XXYLT1: variants seen among roughly 807,000 people sequenced by gnomAD.
The protein encoded by XXYLT1 is UDP-xylose:alpha-xyloside alpha-1,3-xylosyltransferase.
XXYLT1 carries 20 observed loss-of-function variants against 28.9 expected under a neutral mutation model. The ratio of observed to expected loss-of-function variants is 0.69; its 90% CI spans 0.49 to 1.00. The LOEUF is 1.00. Ranked by LOEUF, XXYLT1 falls within the 50% of genes least tolerant of loss-of-function variation. The probability of loss-of-function intolerance (pLI) is 0.00; values close to 1 mark genes in which losing one functional copy is unlikely to be tolerated. For synonymous variants in XXYLT1, 257 were observed against 253.8 expected (o/e 1.01, Z -0.12); for missense variants, 542 against 560.1 (o/e 0.97, Z 0.33).
chr3:195,149,076 A>G (rs7652491), intron 3 of XXYLT1, among the ~76,000 whole-genome samples: 4,241 of 152,304 alleles, frequency 0.028, 203 homozygotes, highest in African/African-American at 0.097. Flanking sequence ...AGGTTTTCAT[A>G]GTAAAAAGAA....
At chr3:195,222,519 A>G (rs1723873241) in intron 2 of XXYLT1, among the ~76,000 whole-genome samples, 1 of 152,202 alleles carries the variant, frequency 6.6e-6, no homozygotes, top group African/African-American at 2.4e-5. Flanking sequence ...CCTCTGGCCC[A>G]GTAATGCTAC....
At chr3:195,184,018 T>G (rs896618368) in intron 2 of XXYLT1, among the ~76,000 whole-genome samples, 31 of 152,156 alleles carry the variant, frequency 2.0e-4, no homozygotes, top group African/African-American at 7.2e-4. Flanking sequence ...CAGGCTGAAT[T>G]TATAATCTAC....
chr3:195,143,815 GATATAGATATAT>G (rs1242171452), intron 3 of XXYLT1, among the ~76,000 whole-genome samples: 1 of 77,372 alleles, frequency 1.3e-5, no homozygotes, highest in African/African-American at 4.7e-5. Context: ...GATATATATA[GATATAGATATAT>G]ATAGATATAG....
chr3:195,198,662 G>A (rs1008885368), intron 2 of XXYLT1, among the ~76,000 whole-genome samples: 3 of 152,150 alleles, frequency 2.0e-5, no homozygotes, highest in Non-Finnish European at 4.4e-5. Context: ...TGGCAGGGCT[G>A]CATTCAAACC....
At chr3:195,208,309 T>G (rs1025639997) in intron 2 of XXYLT1, among the ~76,000 whole-genome samples, 1 of 151,764 alleles carries the variant, frequency 6.6e-6, no homozygotes, top group East Asian at 1.9e-4. Context: ...TCTGTTCCCC[T>G]CCCCTCCTGT....
At chr3:195,231,848 T>TA (rs1251922237) in intron 1 of XXYLT1, among the ~76,000 whole-genome samples, 1 of 152,116 alleles carries the variant, frequency 6.6e-6, no homozygotes. Flanking sequence ...TAGCCTATAG[T>TA]TTTCTTTTAC....
intron 1 of XXYLT1, among the ~76,000 whole-genome samples, chr3:195,231,469 G>A (rs1218312481): frequency 2.6e-5 from 4 of 152,072 alleles, no homozygotes; most frequent in Non-Finnish European, 5.9e-5. Context: ...AGATCTTAGA[G>A]GAAAGGCTTT....
At chr3:195,079,039 G>C (rs147365827) in intron 3 of XXYLT1, among the ~76,000 whole-genome samples, 1 of 152,182 alleles carries the variant, frequency 6.6e-6, no homozygotes, top group African/African-American at 2.4e-5. Flanking sequence ...CTGCTCATCA[G>C]ACCCTTGGAA....
chr3:195,145,458 G>A (rs141538995), intron 3 of XXYLT1, among the ~76,000 whole-genome samples: 129 of 148,048 alleles, frequency 8.7e-4, no homozygotes, highest in African/African-American at 1.9e-3. Flanking sequence ...GGGGCCCTGC[G>A]AGCATCTCTG....
Position 195,156,432 on chromosome 3 carries a change from C to G in XXYLT1, c.785+17G>C. 6.2e-7 allele frequency: 1 copy of G among 1,612,164 alleles called. No individual in the cohort carries two copies. Among genetic ancestry groups the G allele is most frequent in the Non-Finnish European group, 8.5e-7 (1 of 1,179,298 alleles). The stretch of plus-strand genomic sequence containing the variant: ...GGGAGGGGTCGTGGAGGCGGCCCCC[C>G]TGCAGTCATGACGCACCTGTAAACT... On this transcript the variant is annotated intron_variant, in intron 3 of 3. Transcript: ENST00000310380.
chr3:195,196,473 T>C (rs57803498), intron 2 of XXYLT1, among the ~76,000 whole-genome samples: 7,829 of 152,222 alleles, frequency 0.051, 621 homozygotes, highest in African/African-American at 0.18. Flanking sequence ...CCTGGGGCAA[T>C]AGGTATGCCC....
intron 3 of XXYLT1, chr3:195,085,842 G>T (rs1056851333): frequency 4.6e-5 from 7 of 152,488 alleles, no homozygotes; most frequent in Admixed American, 3.9e-4. Context: ...TCAAAAGCTT[G>T]CTGGGCTAGC....
rs897820464 is a variant in XXYLT1, at chr3:195,228,486, C to CTTT, written c.505-1633_505-1631dup. Among the ~76,000 whole-genome samples, 96 of 120,172 alleles carry CTTT rather than the reference C, an allele frequency of 8.0e-4. 2 individuals carry two copies. Among genetic ancestry groups the CTTT allele is most frequent in the East Asian group, 3.0e-3 (12 of 3,990 alleles). 78.8% of individuals were successfully genotyped at this position (120,172 alleles called of 152,430 possible). A position where few individuals can be genotyped will look rare whatever the true frequency, so the allele number is the denominator to read the frequency against. ...GGTTCTGCTTTTGGCCTATATTTCA[C>CTTT]TTTTTTTTTTTTTTTTTTTTTTGAG... On this transcript the variant is annotated intron_variant, in intron 1 of 3. Coordinates refer to ENST00000310380, the MANE Select transcript of XXYLT1 (RefSeq NM_152531.5).
chr3:195,138,759 G>C (rs1719325584), intron 3 of XXYLT1, among the ~76,000 whole-genome samples: 1 of 151,538 alleles, frequency 6.6e-6, no homozygotes, highest in Non-Finnish European at 1.5e-5. Flanking sequence ...GGAGGCTGAG[G>C]CAGGAGAATT....
chr3:195,116,186 G>A (rs1051302545), intron 3 of XXYLT1, among the ~76,000 whole-genome samples: 1 of 152,104 alleles, frequency 6.6e-6, no homozygotes, highest in African/African-American at 2.4e-5. Flanking sequence ...ATGCCACCAC[G>A]AGCGGTGGAA....
At chr3:195,238,900 T>A (rs918814723) in intron 1 of XXYLT1, among the ~76,000 whole-genome samples, 1 of 152,112 alleles carries the variant, frequency 6.6e-6, no homozygotes, top group Non-Finnish European at 1.5e-5. Context: ...AAAGAACGGA[T>A]CTGCGCAGGC....
At chr3:195,179,975 C>A (rs1721868409) in intron 2 of XXYLT1, among the ~76,000 whole-genome samples, 1 of 152,200 alleles carries the variant, frequency 6.6e-6, no homozygotes, top group South Asian at 2.1e-4. Context: ...CACTGTCTCC[C>A]CCAACACAGG....
At chr3:195,203,690 G>A (rs1263107451) in intron 2 of XXYLT1, among the ~76,000 whole-genome samples, 1 of 147,618 alleles carries the variant, frequency 6.8e-6, no homozygotes, top group Admixed American at 6.6e-5. Context: ...GGATTCCTCC[G>A]CCCAGTGTTT....
At chr3:195,211,624 AT>A (rs1467859153) in intron 2 of XXYLT1, among the ~76,000 whole-genome samples, 1 of 152,230 alleles carries the variant, frequency 6.6e-6, no homozygotes, top group Non-Finnish European at 1.5e-5. Flanking sequence ...GGTGGGGCAG[AT>A]AGATGATCAA....
Sources: allele counts gnomAD v4.1 joint callset (sites outside exome capture counted in the v4.1 genomes callset), GRCh38; gene constraint gnomAD v4.1.1; transcripts MANE v1.5; gene names NCBI Gene and HGNC (gene_info 2026-07-23, HGNC 2026-07-21).